The following CSNK1G1 variants were observed in gnomAD, a reference collection of about 807,000 sequenced individuals.
CSNK1G1 encodes casein kinase I isoform gamma-1.
A neutral mutation model predicts 59.6 loss-of-function variants in CSNK1G1; 22 were observed. The observed-to-expected ratio is 0.37, with a 90% confidence interval of 0.26 to 0.53. The LOEUF is 0.53. Among genes scored for constraint, CSNK1G1 ranks in the 20% least tolerant of loss-of-function variants. The pLI is 0.89. For missense variants in CSNK1G1, 384 were observed against 519.5 expected (o/e 0.74, Z 2.54); for synonymous variants, 179 against 177.1 (o/e 1.01, Z -0.08).
chr15:64,184,676 CAAAAAAAAA>C (rs59052389), intron 10 of CSNK1G1, among the ~76,000 whole-genome samples: 1,258 of 81,482 alleles, frequency 0.015, 17 homozygotes, highest in African/African-American at 0.063. Context: ...AACTCTGTCT[CAAAAAAAAA>C]AAAAAAAAAG....
At position 64,188,329 on chromosome 15, in the gene CSNK1G1, A is replaced by C; in HGVS notation, c.1108-7875T>G. 7.0e-7 allele frequency: 1 copy of C among 1,427,578 alleles called. No homozygotes were observed. The highest frequency in any genetic ancestry group is 9.5e-7 in the Non-Finnish European group (1 of 1,053,740). The allele number at this position is 1,427,578 out of a possible 1,614,324, so 88.4% of individuals were successfully genotyped here. Reference sequence around the variant, plus strand: ...TTCAGAAGCAAGCCAACATTCCACCAGCCAAGCTGGAAAGGCCAGGAAAAG... The same window carrying C: ...TTCAGAAGCAAGCCAACATTCCACCCGCCAAGCTGGAAAGGCCAGGAAAAG... On this transcript the variant is annotated intron_variant, in intron 10 of 11. Transcript: ENST00000303052. This position sits in a 1 kb window ranked among gnomAD's most constrained non-coding sequence, Gnocchi z 4.2.
rs1566929968 is a variant in CSNK1G1 at position 64,277,574 on chromosome 15, A to AAATATATTAATATTAATATATTTAAT, written c.182-18359_182-18334dup. On this transcript the variant is annotated intron_variant, in intron 2 of 11. Transcript: ENST00000303052. ...TTAAAATAATAAAATTTAATATAAT[A>AAATATATTAATATTAATATATTTAAT]AATATATTAATATTAATATATTTAA... Among the ~76,000 whole-genome samples, 576 of 139,938 alleles carry AAATATATTAATATTAATATATTTAAT rather than the reference A, an allele frequency of 4.1e-3. 4 individuals are homozygous for AAATATATTAATATTAATATATTTAAT. The highest frequency in any genetic ancestry group is 8.0e-3 in the Admixed American group (107 of 13,390). 91.8% of individuals were successfully genotyped at this position (139,938 alleles called of 152,430 possible).
chr15:64,283,342 C>CT (rs58497751), intron 2 of CSNK1G1, among the ~76,000 whole-genome samples: 166 of 144,704 alleles, frequency 1.1e-3, no homozygotes, highest in Middle Eastern at 3.6e-3. Flanking sequence ...TTTTAAGTTT[C>CT]TTTTTTTTTT....
intron 4 of CSNK1G1, among the ~76,000 whole-genome samples, chr15:64,236,787 G>T (rs1023022934): frequency 2.7e-4 from 41 of 151,986 alleles, no homozygotes; most frequent in Non-Finnish European, 2.2e-4. Context: ...CCCAGTACTG[G>T]GTATCTACTC....
At chr15:64,198,343 T>C (rs2082063030) in intron 10 of CSNK1G1, among the ~76,000 whole-genome samples, 2 of 151,760 alleles carry the variant, frequency 1.3e-5, no homozygotes, top group African/African-American at 4.8e-5. Flanking sequence ...GTAACTGAGA[T>C]TACAGGCGCC....
At chr15:64,338,060 A>G (rs757148580) in intron 1 of CSNK1G1, among the ~76,000 whole-genome samples, 20 of 152,214 alleles carry the variant, frequency 1.3e-4, no homozygotes, top group Non-Finnish European at 2.5e-4. Context: ...GCTGTTATAA[A>G]GGTACTGTAC....
intron 2 of CSNK1G1, among the ~76,000 whole-genome samples, chr15:64,269,620 A>T (rs1211231362): frequency 6.7e-6 from 1 of 150,256 alleles, no homozygotes; most frequent in Non-Finnish European, 1.5e-5. Context: ...CAGCCTCCCG[A>T]GTAGGTGGGA....
At chr15:64,213,825 A>G (rs1202455398) in intron 6 of CSNK1G1, 65 bp downstream of exon 6, 1 of 1,099,328 alleles carries the variant, frequency 9.1e-7, no homozygotes, top group Non-Finnish European at 1.4e-6. Context: ...ATGGGGATAT[A>G]ATGTTACAGA....
chr15:64,213,508 T>G (rs1248669750), intron 6 of CSNK1G1, among the ~76,000 whole-genome samples: 1 of 152,180 alleles, frequency 6.6e-6, no homozygotes, highest in Non-Finnish European at 1.5e-5. Context: ...TACTCCATTT[T>G]TAGTGAGGCA....
intron 11 of CSNK1G1, among the ~76,000 whole-genome samples, chr15:64,175,662 T>A (rs2081733005): frequency 6.6e-6 from 1 of 152,010 alleles, no homozygotes; most frequent in Non-Finnish European, 1.5e-5. Context: ...CACATAGGAA[T>A]AAAGAAAAAG....
At chr15:64,239,047 C>T (rs1043400092) in intron 4 of CSNK1G1, among the ~76,000 whole-genome samples, 2 of 152,144 alleles carry the variant, frequency 1.3e-5, no homozygotes, top group African/African-American at 2.4e-5. Flanking sequence ...TTTAATGTAG[C>T]CAAAGAAGTT....
Position 64,166,173 on chromosome 15 carries a change from T to C in CSNK1G1, c.*5758A>G, listed in dbSNP as rs1029586841. 11 of 470,754 alleles carry C rather than the reference T, an allele frequency of 2.3e-5. No individual in the cohort carries two copies. The Admixed American group carries it at 2.4e-4, about 10-fold the overall frequency. The allele number at this position is 470,754 out of a possible 1,614,324, so 29.2% of individuals were successfully genotyped here. ...ATTTCCACTGCTGATTTATACATTA[T>C]CTAGTTGTTTAAAAATCGCAATCAA... is the stretch of plus-strand genomic sequence containing the variant. On this transcript the variant is annotated 3_prime_UTR_variant, in exon 12 of 12. Coordinates refer to ENST00000303052, the MANE Select transcript of CSNK1G1 (RefSeq NM_022048.5). The surrounding 1 kb of genome is among the most constrained non-coding windows in gnomAD (Gnocchi z 4.5).
intron 11 of CSNK1G1, among the ~76,000 whole-genome samples, chr15:64,175,812 G>A (rs1275644408): frequency 6.6e-6 from 1 of 152,170 alleles, no homozygotes; most frequent in South Asian, 2.1e-4. Context: ...TTTTCCCAAA[G>A]CAGCCAATTT....
chr15:64,351,994 T>C (rs1392412651), intron 1 of CSNK1G1, among the ~76,000 whole-genome samples: 1 of 152,010 alleles, frequency 6.6e-6, no homozygotes, highest in Non-Finnish European at 1.5e-5. Context: ...ATTTAAAGGA[T>C]GATAAAAAAA....
At chr15:64,273,158 A>G (rs1263181221) in intron 2 of CSNK1G1, among the ~76,000 whole-genome samples, 3 of 152,238 alleles carry the variant, frequency 2.0e-5, no homozygotes, top group Non-Finnish European at 2.9e-5. Context: ...GAATCTTGAA[A>G]GTTATTATCA....
chr15:64,266,279 C>T (rs1892982063), intron 2 of CSNK1G1, among the ~76,000 whole-genome samples: 1 of 152,076 alleles, frequency 6.6e-6, no homozygotes, highest in Non-Finnish European at 1.5e-5. Context: ...CCAGGATGAT[C>T]TAGATCTCCT....
At chr15:64,219,503 G>A (rs2082357493) in intron 4 of CSNK1G1, among the ~76,000 whole-genome samples, 1 of 152,068 alleles carries the variant, frequency 6.6e-6, no homozygotes, top group African/African-American at 2.4e-5. Context: ...GTGTCACCCA[G>A]GCTGGAGGGC....
intron 2 of CSNK1G1, among the ~76,000 whole-genome samples, chr15:64,287,203 C>CA (rs1894475468): frequency 6.6e-6 from 1 of 152,092 alleles, no homozygotes; most frequent in Non-Finnish European, 1.5e-5. Flanking sequence ...CTCCCTAGAC[C>CA]AAGTCACTTA....
At position 64,172,984 on chromosome 15, in the gene CSNK1G1, G is replaced by A. The variant is rs147153155; in HGVS notation, c.1215-999C>T. Among the ~76,000 whole-genome samples the A allele has an allele frequency of 1.4e-3, 215 of 152,288 alleles. 1 individual carries two copies. Among genetic ancestry groups the A allele is most frequent in the African/African-American group, 4.9e-3 (205 of 41,544 alleles). ...GTCCTTTCTGGGGAGCTGACACATG[G>A]GGAATGAGAATGAAAGGGACAGAAG... is the stretch of plus-strand genomic sequence containing the variant. On this transcript the variant is annotated intron_variant, in intron 11 of 11. Coordinates refer to ENST00000303052, the MANE Select transcript of CSNK1G1 (RefSeq NM_022048.5).
Sources: allele counts gnomAD v4.1 joint callset (sites outside exome capture counted in the v4.1 genomes callset), GRCh38; gene constraint gnomAD v4.1.1; non-coding constraint Gnocchi (gnomAD v3.1); transcripts MANE v1.5; gene names NCBI Gene and HGNC (gene_info 2026-07-23, HGNC 2026-07-21).